Variants in MYH7B observed in about 807,000 individuals in gnomAD.
MYH7B encodes the protein myosin-7B.
A neutral mutation model predicts 234.5 loss-of-function variants in MYH7B; 205 were observed. That is an observed-to-expected ratio of 0.87 (90% CI 0.78 to 0.98). The LOEUF is 0.98. Among genes scored for constraint, MYH7B ranks in the 50% least tolerant of loss-of-function variants. The pLI is 0.00. For missense variants in MYH7B, 2,652 were observed against 2,633.4 expected (o/e 1.01, Z -0.15); for synonymous variants, 1,193 against 1,105.0 (o/e 1.08, Z -1.58).
intron 24 of MYH7B, among the ~76,000 whole-genome samples, 194 bp downstream of exon 24, chr20:34,991,315 G>A (rs2082145674): frequency 6.6e-6 from 1 of 152,234 alleles, no homozygotes; most frequent in Admixed American, 6.5e-5. Flanking sequence ...GAAGTGAATA[G>A]GCTTGGGGCA....
intron 16 of MYH7B, 119 bp from the exon 17 acceptor site, chr20:34,987,438 T>G: frequency 7.1e-7 from 1 of 1,410,966 alleles, no homozygotes; most frequent in Non-Finnish European, 9.7e-7. Flanking sequence ...GAGGCTTTGT[T>G]TGCTAGCCCT....
intron 2 of MYH7B, 133 bp from the exon 3 acceptor site, chr20:34,975,267 T>TG: frequency 2.2e-6 from 1 of 447,872 alleles, no homozygotes; most frequent in South Asian, 5.9e-5. Flanking sequence ...TGCAATGGTG[T>TG]GATCTCGGCG....
At position 34,987,919 on chromosome 20, in the gene MYH7B, G is replaced by A. The variant is rs1002015037; in HGVS notation, c.1416+5G>A. 2 of 1,587,428 alleles carry A rather than the reference G, an allele frequency of 1.3e-6. No individual in the cohort carries two copies. The highest frequency in any genetic ancestry group is 2.2e-5 in the East Asian group (1 of 44,552). On this transcript the variant is annotated splice_donor_5th_base_variant and intron_variant, in intron 18 of 44. Coordinates refer to ENST00000262873, the Ensembl canonical transcript of MYH7B. Reference sequence around the variant, plus strand: ...GCTGGGTTTGAGATCTTTGAGGTGAGGACAGGCCCTCACCTTGGCCTCTGT... The same window carrying A: ...GCTGGGTTTGAGATCTTTGAGGTGAAGACAGGCCCTCACCTTGGCCTCTGT...
intron 1 of MYH7B, among the ~76,000 whole-genome samples, 118 bp from the exon 2 acceptor site, chr20:34,957,980 C>T (rs1427921890): frequency 6.6e-6 from 1 of 152,258 alleles, no homozygotes; most frequent in Non-Finnish European, 1.5e-5. Context: ...CAGCTGTTAA[C>T]TAGAATAGGC....
chr20:34,986,145 G>A lies in MYH7B; in HGVS notation c.851G>A (p.Arg284His), dbSNP rs368217364. 1.8e-5 allele frequency: 29 copies of A among 1,598,826 alleles called. No individual in the cohort carries two copies. The highest frequency in any genetic ancestry group is 2.7e-5 in the African/African-American group (2 of 74,686). The change falls in exon 14 of 45, where the codon CGC becomes CAC. Residue 284 changes from arginine (R) to histidine (H), a missense_variant. Physicochemically the swap from Arg to His is conservative, Grantham distance 29. Around this residue, in one of 3 missense-constraint regions of MYH7B, gnomAD observed 366 missense variants for 401.2 expected, o/e 0.91. Transcript: ENST00000262873. ...GTGATCTTCCAGTTGCCTGGTGAGC[G>A]CAGCTACCATGTCTACTACCAGATC...
At chr20:35,000,364 C>T (rs778495302) in exon 39 of MYH7B, 10 of 1,598,632 alleles carry the variant, frequency 6.3e-6, no homozygotes, top group East Asian at 2.2e-5. Context: ...CGCAATGAGG[C>T]GCTGCGGCTC....
At chr20:34,976,382 G>C (rs1403265643) in intron 3 of MYH7B, among the ~76,000 whole-genome samples, 1 of 152,206 alleles carries the variant, frequency 6.6e-6, no homozygotes, top group Non-Finnish European at 1.5e-5. Context: ...CTGGAACCCT[G>C]GATCTGGAAC....
At chr20:34,982,270 G>A (rs527550959) in intron 9 of MYH7B, among the ~76,000 whole-genome samples, 189 bp from the exon 10 acceptor site, 14 of 152,042 alleles carry the variant, frequency 9.2e-5, no homozygotes, top group East Asian at 5.8e-4. Flanking sequence ...TGGCATCATC[G>A]TGTGTTGTCA....
In MYH7B at chr20:34,975,514, C is replaced by G; in HGVS notation, c.-122+15C>G. 1.4e-6 allele frequency: 1 copy of G among 713,478 alleles called. No homozygotes were observed. Among genetic ancestry groups the G allele is most frequent in the East Asian group, 2.7e-5 (1 of 37,124 alleles). 44.2% of individuals were successfully genotyped at this position (713,478 alleles called of 1,614,324 possible). A position where few individuals can be genotyped will look rare whatever the true frequency, so the allele number is the denominator to read the frequency against. Reference sequence around the variant, plus strand: ...ACAGACATGAGGTACTGTGCCTGACCCAGGGTATGTTTACTTTGAGAAAAT... The same window carrying G: ...ACAGACATGAGGTACTGTGCCTGACGCAGGGTATGTTTACTTTGAGAAAAT... On this transcript the variant is annotated intron_variant, in intron 3 of 44. Transcript: ENST00000262873.
chr20:34,983,298 CT>C lies in MYH7B; in HGVS notation c.624+762del, dbSNP rs57589264. On this transcript the variant is annotated intron_variant, in intron 10 of 44. Coordinates refer to ENST00000262873, the Ensembl canonical transcript of MYH7B. ...TTTTTTCTTTCTTTTCTTTTCTTTT[CT>C]TTTTTTTTTTTTTTTTTTGCCTTTT... Among the ~76,000 whole-genome samples, 605 of 71,642 alleles carry C rather than the reference CT, an allele frequency of 8.4e-3. 4 individuals are homozygous for C. The highest frequency in any genetic ancestry group is 0.028 in the South Asian group (63 of 2,278). 47.0% of individuals were successfully genotyped at this position (71,642 alleles called of 152,430 possible). A position where few individuals can be genotyped will look rare whatever the true frequency, so the allele number is the denominator to read the frequency against.
Position 34,975,476 on chromosome 20 carries a change from A to C in MYH7B, c.-145A>C, listed in dbSNP as rs751148717. ...GTGATGTGTCCGCCTGGGCCTCCCAAAGTGCTGGAATTACAGACATGAGGT... is the reference window on the plus strand; with the variant it reads ...GTGATGTGTCCGCCTGGGCCTCCCACAGTGCTGGAATTACAGACATGAGGT... On this transcript the variant is annotated 5_prime_UTR_variant, in exon 3 of 45. Transcript: ENST00000262873. 38 of 711,422 alleles carry C rather than the reference A, an allele frequency of 5.3e-5. No homozygotes were observed. In the African/African-American group the frequency reaches 6.3e-4, roughly 12 times the overall value. The allele number at this position is 711,422 out of a possible 1,614,324, so 44.1% of individuals were successfully genotyped here. A position where few individuals can be genotyped will look rare whatever the true frequency, so the allele number is the denominator to read the frequency against.
chr20:35,000,239 T>G, intron 38 of MYH7B, 54 bp from the exon 39 acceptor site: 2 of 1,507,220 alleles, frequency 1.3e-6, no homozygotes, highest in African/African-American at 2.8e-5. Context: ...TGGGCATTTG[T>G]AAGGACAGGT....
chr20:34,984,338 A>G (rs1011037139), intron 10 of MYH7B, among the ~76,000 whole-genome samples: 1 of 152,136 alleles, frequency 6.6e-6, no homozygotes, highest in East Asian at 1.9e-4. Flanking sequence ...AGGAGGGGGC[A>G]CTTGGGCTGG....
At chr20:34,993,159 G>T (rs748247633) in exon 25 of MYH7B, 1 of 1,614,064 alleles carries the variant, frequency 6.2e-7, no homozygotes, top group Non-Finnish European at 8.5e-7. Flanking sequence ...ACAGCAGGAA[G>T]GCCACAGAGA....
At chr20:34,985,210 T>C in intron 13 of MYH7B, 81 bp downstream of exon 13, 1 of 1,357,966 alleles carries the variant, frequency 7.4e-7, no homozygotes, top group African/African-American at 1.4e-5. Context: ...CATCACGACT[T>C]CTGGGCTCCT....
At chr20:34,961,889 CTCA>C (rs1339719082) in intron 2 of MYH7B, among the ~76,000 whole-genome samples, 1 of 152,180 alleles carries the variant, frequency 6.6e-6, no homozygotes, top group Non-Finnish European at 1.5e-5. Flanking sequence ...TGTTCCTCCA[CTCA>C]TCAGTTGATA....
intron 11 of MYH7B, 48 bp from the exon 12 acceptor site, chr20:34,984,806 G>C (rs753435215): frequency 5.0e-6 from 8 of 1,593,346 alleles, no homozygotes; most frequent in South Asian, 2.2e-5. Context: ...TGGCCTCCCG[G>C]TGGGTAGGCA....
Position 34,998,840 on chromosome 20 carries a change from A to AT in MYH7B, c.4116dup (p.Ala1373CysfsTer128). On this transcript the variant is annotated frameshift_variant, in exon 35 of 45. Coordinates refer to ENST00000262873, the Ensembl canonical transcript of MYH7B. LOFTEE classifies it high-confidence loss of function. ...CTGCAGCGGCTGCTGTCCAAGGCCA[A>AT]TGCCGAGGTGGCCCAGTGGAGGAGC... The AT allele has an allele frequency of 1.2e-6, 2 of 1,613,268 alleles. No individual in the cohort carries two copies. The highest frequency in any genetic ancestry group is 1.7e-6 in the Non-Finnish European group (2 of 1,180,018).
At chr20:34,957,665 T>C (rs780919515) in intron 1 of MYH7B, among the ~76,000 whole-genome samples, 2 of 152,178 alleles carry the variant, frequency 1.3e-5, no homozygotes, top group Admixed American at 6.5e-5. Flanking sequence ...AATTTTTGTA[T>C]TTTTGGTAGA....
Sources: gnomAD v4.1 joint callset for allele counts (sites outside exome capture counted in the v4.1 genomes callset) on GRCh38, gnomAD v4.1.1 for gene constraint, gnomAD v4.1.1 regional missense constraint, MANE v1.5 for transcripts, NCBI Gene and HGNC (gene_info 2026-07-23, HGNC 2026-07-21) for gene names.